COL24A1: variants seen among roughly 807,000 people sequenced by gnomAD.
COL24A1 encodes collagen type XXIV alpha 1 chain.
Under a neutral mutation model 253.9 loss-of-function variants are expected in COL24A1, and 224 were observed. The ratio of observed to expected loss-of-function variants is 0.88; its 90% CI spans 0.79 to 0.99. COL24A1 has a LOEUF of 0.99. COL24A1 is among the 50% of genes least tolerant of loss of function. The probability of loss-of-function intolerance (pLI) is 0.00; values close to 1 mark genes in which losing one functional copy is unlikely to be tolerated. For missense variants in COL24A1, 2,131 were observed against 2,068.5 expected (o/e 1.03, Z -0.59); for synonymous variants, 685 against 673.7 (o/e 1.02, Z -0.26).
At chr1:85,758,993 A>AT (rs11369720) in intron 55 of COL24A1, among the ~76,000 whole-genome samples, 136,563 of 151,804 alleles carry the variant, frequency 0.9, 62,159 homozygotes, top group Non-Finnish European at 0.97. Context: ...TCCCTCCCCA[A>AT]TATTTTTCTA....
Position 86,125,512 on chromosome 1 carries a change from G to T in COL24A1, c.824C>A (p.Ala275Asp). ...PEHSPPPKLF[A>D]EKVLSEDTFT... ...TGTATCCTCTGACAGTACTTTTTCA[G>T]CAAATAGTTTGGGCGGGGGAGAGTG... Residue 275 changes from alanine to aspartate, a missense_variant, in exon 3 of 60, where the codon GCT (alanine) becomes GAT (aspartate). Transcript: ENST00000370571. The T allele has an allele frequency of 6.2e-7, 1 of 1,613,596 alleles. No individual in the cohort carries two copies. Among genetic ancestry groups the T allele is most frequent in the Non-Finnish European group, 8.5e-7 (1 of 1,179,766 alleles).
At chr1:85,783,270 T>C (rs1669320416) in intron 51 of COL24A1, among the ~76,000 whole-genome samples, 1 of 99,354 alleles carries the variant, frequency 1.0e-5, no homozygotes, top group Non-Finnish European at 2.4e-5. Flanking sequence ...TGATTCTTTT[T>C]TTTTTTTTAA....
At chr1:86,066,314 C>T (rs955147025) in intron 7 of COL24A1, among the ~76,000 whole-genome samples, 1 of 146,398 alleles carries the variant, frequency 6.8e-6, no homozygotes, top group African/African-American at 2.5e-5. Context: ...TCTCGGCTCA[C>T]TGCAAGCTCC....
At chr1:86,085,289 T>C (rs912703134) in intron 7 of COL24A1, among the ~76,000 whole-genome samples, 12 of 152,186 alleles carry the variant, frequency 7.9e-5, no homozygotes, top group African/African-American at 2.7e-4. Flanking sequence ...GAAAAGATTC[T>C]TTTAAAAAAT....
At chr1:86,140,126 C>T (rs2102379341) in intron 2 of COL24A1, among the ~76,000 whole-genome samples, 1 of 152,294 alleles carries the variant, frequency 6.6e-6, no homozygotes, top group East Asian at 1.9e-4. Context: ...GTGCTAAGCA[C>T]TTTACATGTG....
chr1:85,926,837 T>C (rs1473038817), intron 24 of COL24A1, among the ~76,000 whole-genome samples: 4 of 151,152 alleles, frequency 2.6e-5, no homozygotes, highest in Non-Finnish European at 5.9e-5. Context: ...ATAATAATAA[T>C]AAAAAGAGTC....
At chr1:86,123,830 T>C (rs1242639630) in intron 3 of COL24A1, among the ~76,000 whole-genome samples, 1 of 151,896 alleles carries the variant, frequency 6.6e-6, no homozygotes, top group African/African-American at 2.4e-5. Flanking sequence ...TCAATACCTA[T>C]CAAATCACTT....
intron 24 of COL24A1, among the ~76,000 whole-genome samples, chr1:85,949,835 T>A (rs972909115): frequency 3.3e-5 from 5 of 152,186 alleles, no homozygotes; most frequent in Non-Finnish European, 7.4e-5. Context: ...GTAGATGGCA[T>A]ATATACAGGG....
chr1:85,990,694 C>G (rs1311453064), intron 19 of COL24A1, among the ~76,000 whole-genome samples: 1 of 152,158 alleles, frequency 6.6e-6, no homozygotes, highest in African/African-American at 2.4e-5. Flanking sequence ...TTAGTAGGTG[C>G]TTGAAGAGGA....
chr1:86,053,536 G>A (rs539361398), intron 10 of COL24A1, among the ~76,000 whole-genome samples: 6 of 152,090 alleles, frequency 3.9e-5, no homozygotes, highest in South Asian at 2.1e-4. Context: ...AGAGTTTACC[G>A]TGTAATGAAA....
chr1:86,030,783 A>ATTGGGATCTCATCATC (rs2101499638), intron 14 of COL24A1, among the ~76,000 whole-genome samples: 1 of 144,492 alleles, frequency 6.9e-6, no homozygotes, highest in South Asian at 2.2e-4. Flanking sequence ...TTGTTGTAGC[A>ATTGGGATCTCATCATC]TTGGGATCTC....
intron 19 of COL24A1, among the ~76,000 whole-genome samples, chr1:85,989,113 TG>T (rs563418949): frequency 2.7e-4 from 41 of 152,202 alleles, no homozygotes; most frequent in African/African-American, 9.9e-4. Flanking sequence ...TTTGTTAGTA[TG>T]TTTTTTTGTG....
chr1:85,786,578 G>T, intron 47 of COL24A1, 117 bp from the exon 48 acceptor site: 1 of 677,970 alleles, frequency 1.5e-6, no homozygotes, highest in Admixed American at 3.2e-5. Context: ...ATACTGCCCA[G>T]GAGTTATCCT....
intron 14 of COL24A1, chr1:86,030,688 AG>A (rs1698487033): frequency 6.6e-6 from 1 of 151,836 alleles, no homozygotes; most frequent in Non-Finnish European, 1.5e-5. Context: ...AATGGCAGGG[AG>A]GGGGCTCCAC....
At chr1:85,867,541 C>T (rs1679929041) in intron 37 of COL24A1, among the ~76,000 whole-genome samples, 1 of 152,070 alleles carries the variant, frequency 6.6e-6, no homozygotes, top group Non-Finnish European at 1.5e-5. Flanking sequence ...GGATGACTCC[C>T]AAGATAGGAC....
intron 19 of COL24A1, among the ~76,000 whole-genome samples, chr1:86,003,187 T>C (rs115192596): frequency 6.6e-6 from 1 of 152,272 alleles, no homozygotes; most frequent in African/African-American, 2.4e-5. Flanking sequence ...AGAAACAGTT[T>C]TTGGTGTTAC....
intron 8 of COL24A1, among the ~76,000 whole-genome samples, chr1:86,061,076 G>A (rs1701053742): frequency 6.6e-6 from 1 of 151,980 alleles, no homozygotes; most frequent in Non-Finnish European, 1.5e-5. Flanking sequence ...TGTCACCAAT[G>A]GGAGGATACT....
chr1:85,918,537 G>T (rs1377692815), intron 24 of COL24A1, among the ~76,000 whole-genome samples: 2 of 152,096 alleles, frequency 1.3e-5, no homozygotes, highest in African/African-American at 4.8e-5. Context: ...AAATAAGCAT[G>T]CCAACAAAGG....
intron 45 of COL24A1, 33 bp from the exon 46 acceptor site, chr1:85,818,120 G>C: frequency 6.4e-7 from 1 of 1,566,580 alleles, no homozygotes; most frequent in Middle Eastern, 1.7e-4. Context: ...TCAATTGACT[G>C]TAATAATCTT....
Sources: allele counts gnomAD v4.1 joint callset (sites outside exome capture counted in the v4.1 genomes callset), GRCh38; gene constraint gnomAD v4.1.1; transcripts MANE v1.5; gene names NCBI Gene and HGNC (gene_info 2026-07-23, HGNC 2026-07-21).